OR4F17: variants seen among roughly 807,000 people sequenced by gnomAD.
OR4F17 encodes the protein olfactory receptor family 4 subfamily F member 17, also known as olfactory receptor 4F17.
For synonymous variants in OR4F17, 1 was observed against 120.7 expected, an observed-to-expected ratio of 0.01 and a Z score of 6.50; for missense variants, 1 against 323.6, an observed-to-expected ratio of 0.00 and a Z score of 7.65.
At position 107,870 on chromosome 19, in the gene OR4F17, TATATA is replaced by T. The variant is rs1221045165; in HGVS notation, c.-55+326_-55+330del. Among the ~76,000 whole-genome samples, 119 of 73,916 alleles carry T rather than the reference TATATA, an allele frequency of 1.6e-3. 1 individual carries two copies. Among genetic ancestry groups the T allele is most frequent in the East Asian group, 9.2e-3 (14 of 1,526 alleles). 48.5% of individuals were successfully genotyped at this position (73,916 alleles called of 152,430 possible). Reference sequence around the variant, plus strand: ...TATATAAATATAATATATATTTTATTATATAATATAATATATATTATATAATATAA... The same window carrying T: ...TATATAAATATAATATATATTTTATTATATAATATATATTATATAATATAA... On this transcript the variant is annotated intron_variant, in intron 2 of 2. Transcript: ENST00000585993.
chr19:108,083 ATTT>A (rs1293131783), intron 2 of OR4F17, among the ~76,000 whole-genome samples: 2 of 121,698 alleles, frequency 1.6e-5, no homozygotes, highest in African/African-American at 6.0e-5. Context: ...TATAATATAT[ATTT>A]TATTATATAA....
intron 2 of OR4F17, among the ~76,000 whole-genome samples, chr19:108,216 A>G (rs1968655683): frequency 7.1e-6 from 1 of 140,924 alleles, no homozygotes; most frequent in African/African-American, 2.5e-5. Flanking sequence ...TATATTATAT[A>G]TAATTCTAAT....
intron 2 of OR4F17, among the ~76,000 whole-genome samples, 183 bp from the exon 3 acceptor site, chr19:110,442 T>A (rs1180313092): frequency 6.6e-6 from 1 of 152,300 alleles, no homozygotes; most frequent in Non-Finnish European, 1.5e-5. Context: ...GAAGCCGAGA[T>A]AACTGAATTA....
intron 2 of OR4F17, among the ~76,000 whole-genome samples, chr19:109,744 G>A (rs1025401730): frequency 7.5e-6 from 1 of 133,692 alleles, no homozygotes; most frequent in Non-Finnish European, 1.6e-5. Context: ...ACTTGTCTAA[G>A]GTCATTCAGA....
chr19:110,898 AT>A lies in OR4F17; in HGVS notation c.221del (p.Met74ArgfsTer33). 1 of 1,466,002 alleles carries A rather than the reference AT, an allele frequency of 6.8e-7. No homozygotes were observed. Among genetic ancestry groups the A allele is most frequent in the Non-Finnish European group, 9.5e-7 (1 of 1,053,644 alleles). 90.8% of individuals were successfully genotyped at this position (1,466,002 alleles called of 1,614,324 possible). ...TCTGTCTTCAGTCACAGCCCCCAAG[AT>A]GATTACTGACTTTTTCAGCCAGCGC... is the stretch of plus-strand genomic sequence containing the variant. The part of the protein sequence containing the change: ...LSLSSVTAPK[M>X]ITDFFSQRKV... On this transcript the variant is annotated frameshift_variant, in exon 3 of 3. Transcript: ENST00000585993. LOFTEE classifies it high-confidence loss of function.
chr19:108,092 TATA>T, intron 2 of OR4F17, among the ~76,000 whole-genome samples: 1 of 126,896 alleles, frequency 7.9e-6, no homozygotes, highest in African/African-American at 2.9e-5. Flanking sequence ...TATTTTATTA[TATA>T]ATATATATTA....
chr19:109,926 T>C (rs1968683844), intron 2 of OR4F17, among the ~76,000 whole-genome samples: 2 of 152,152 alleles, frequency 1.3e-5, no homozygotes, highest in African/African-American at 4.8e-5. Context: ...AAATAATTAC[T>C]TGGCTTCATT....
Position 111,653 on chromosome 19 carries a change from G to GT in OR4F17, c.*58dup. 1 of 876,078 alleles carries GT rather than the reference G, an allele frequency of 1.1e-6. No homozygotes were observed. The highest frequency in any genetic ancestry group is 1.7e-5 in the South Asian group (1 of 58,824). The allele number at this position is 876,078 out of a possible 1,614,324, so 54.3% of individuals were successfully genotyped here. The stretch of plus-strand genomic sequence containing the variant: ...AATGACACAAAATATAGTGAAGTTG[G>GT]TAAGTTATTTAGTAAAGCTCATGAA... On this transcript the variant is annotated 3_prime_UTR_variant, in exon 3 of 3. Transcript: ENST00000585993.
At chr19:108,987 T>C (rs1968668701) in intron 2 of OR4F17, among the ~76,000 whole-genome samples, 1 of 151,182 alleles carries the variant, frequency 6.6e-6, no homozygotes, top group African/African-American at 2.4e-5. Flanking sequence ...AAGAGAAAAG[T>C]GGAATTTCCA....
chr19:109,535 AT>A (rs574604209), intron 2 of OR4F17, among the ~76,000 whole-genome samples: 5 of 119,426 alleles, frequency 4.2e-5, no homozygotes, highest in Admixed American at 2.0e-4. Flanking sequence ...TTGGAATAAC[AT>A]TTTTTTTATT....
chr19:109,535 ATTTTT>A (rs574604209), intron 2 of OR4F17, among the ~76,000 whole-genome samples: 2 of 119,398 alleles, frequency 1.7e-5, no homozygotes, highest in Admixed American at 9.8e-5. Context: ...TTGGAATAAC[ATTTTT>A]TTTATTTTCC....
At chr19:108,198 T>G (rs1485500648) in intron 2 of OR4F17, among the ~76,000 whole-genome samples, 1 of 133,212 alleles carries the variant, frequency 7.5e-6, no homozygotes, top group Non-Finnish European at 1.5e-5. Context: ...ATATATTATA[T>G]AAATATATAT....
chr19:110,011 T>C (rs1471692649), intron 2 of OR4F17, among the ~76,000 whole-genome samples: 103 of 148,476 alleles, frequency 6.9e-4, no homozygotes, highest in Admixed American at 1.5e-3. Flanking sequence ...TTTCAGTAGT[T>C]CTTGTCTCTA....
intron 2 of OR4F17, among the ~76,000 whole-genome samples, chr19:107,819 AT>A (rs1388896285): frequency 1.8e-5 from 2 of 111,780 alleles, no homozygotes; most frequent in African/African-American, 3.3e-5. Context: ...ATATTATATA[AT>A]ATATAATATA....
At position 107,870 on chromosome 19, in the gene OR4F17, T is replaced by TATATAATATAATATATATTATATA. The variant is rs1568168733; in HGVS notation, c.-55+331_-55+354dup. 5.3e-4 allele frequency among the ~76,000 whole-genome samples: 39 copies of TATATAATATAATATATATTATATA among 74,070 alleles called. No homozygotes were observed. The East Asian group carries it at 7.2e-3, about 14-fold the overall frequency. The allele number at this position is 74,070 out of a possible 152,430, so 48.6% of individuals were successfully genotyped here. On this transcript the variant is annotated intron_variant, in intron 2 of 2. Coordinates refer to ENST00000585993, the MANE Select transcript of OR4F17 (RefSeq NM_001005240.3). ...TATATAAATATAATATATATTTTAT[T>TATATAATATAATATATATTATATA]ATATAATATAATATATATTATATAA...
At chr19:107,801 T>TA (rs1156953437) in intron 2 of OR4F17, among the ~76,000 whole-genome samples, 194 of 122,598 alleles carry the variant, frequency 1.6e-3, no homozygotes, top group Non-Finnish European at 2.5e-3. Flanking sequence ...ATTATATATA[T>TA]ATAATATATA....
intron 2 of OR4F17, among the ~76,000 whole-genome samples, chr19:107,918 AAATATAATATATATATTATT>A (rs1968640575): frequency 7.4e-5 from 1 of 13,590 alleles, no homozygotes; most frequent in East Asian, 3.7e-3. Flanking sequence ...TAAATTATAT[AAATATAATATATATATTATT>A]ATATAATATA....
At chr19:107,764 T>C (rs1218305122) in intron 2 of OR4F17, among the ~76,000 whole-genome samples, 1 of 132,734 alleles carries the variant, frequency 7.5e-6, no homozygotes, top group Non-Finnish European at 1.6e-5. Flanking sequence ...ATATATTATA[T>C]ATACTATATA....
intron 2 of OR4F17, among the ~76,000 whole-genome samples, chr19:107,886 T>A (rs1276860278): frequency 3.2e-4 from 9 of 27,954 alleles, no homozygotes; most frequent in African/African-American, 1.3e-3. Flanking sequence ...ATATAATATA[T>A]ATTATATAAT....
Sources: allele counts gnomAD v4.1 joint callset (sites outside exome capture counted in the v4.1 genomes callset), GRCh38; gene constraint gnomAD v4.1.1; transcripts MANE v1.5; gene names NCBI Gene and HGNC (gene_info 2026-07-23, HGNC 2026-07-21).